The following VWA3B variants were observed in gnomAD, a reference collection of about 807,000 sequenced individuals.
VWA3B encodes von Willebrand factor A domain-containing protein 3B.
VWA3B carries 138 observed loss-of-function variants against 158.3 expected under a neutral mutation model. The ratio of observed to expected loss-of-function variants is 0.87; its 90% confidence interval spans 0.76 to 1.00. The LOEUF is 1.00. Among genes scored for constraint, VWA3B ranks in the 50% least tolerant of loss-of-function variants. The probability of loss-of-function intolerance (pLI) is 0.00; values close to 1 mark genes in which losing one functional copy is unlikely to be tolerated. For synonymous variants in VWA3B, 596 were observed against 587.3 expected (o/e 1.01, Z -0.21); for missense variants, 1,555 against 1,565.1 (o/e 0.99, Z 0.11).
intron 7 of VWA3B, among the ~76,000 whole-genome samples, chr2:98,146,266 A>G (rs547683144): frequency 4.6e-5 from 7 of 152,124 alleles, no homozygotes; most frequent in Admixed American, 2.6e-4. Context: ...TAAGTTTCTT[A>G]TAGTATCCTT....
chr2:98,163,080 G>C (rs1678764328), intron 8 of VWA3B, 104 bp downstream of exon 8: 2 of 1,527,604 alleles, frequency 1.3e-6, no homozygotes, highest in Admixed American at 1.9e-5. Flanking sequence ...CCAGAGCCCA[G>C]CTGCGAGGGG....
rs375619812 is a variant in VWA3B at position 98,181,135 on chromosome 2, G to A, written c.1234G>A (p.Asp412Asn). ...GCTATCCTTGTATGATGTGCTTGCC[G>A]ACTGCTCTTTCCGCCACGCTGATGG... ...QKLSLYDVLA[D>N]CSFRHADGVV... The change falls in exon 9 of 28, where the codon GAC (aspartate) becomes AAC (asparagine). Residue 412 changes from aspartate to asparagine, a missense_variant. By Grantham distance (23) the Asp-to-Asn change is conservative. Coordinates refer to ENST00000477737, the MANE Select transcript of VWA3B (RefSeq NM_144992.5). 5.3e-5 allele frequency: 85 copies of A among 1,614,152 alleles called. No individual in the cohort carries two copies. In the East Asian group the frequency reaches 7.6e-4, roughly 14 times the overall value.
chr2:98,236,645 A>C lies in VWA3B; in HGVS notation c.2588A>C (p.Asp863Ala). 1.2e-6 allele frequency: 2 copies of C among 1,614,204 alleles called. No individual in the cohort carries two copies. The highest frequency in any genetic ancestry group is 1.7e-6 in the Non-Finnish European group (2 of 1,180,040). ...GTCGCCAAGAAACTCACCCTCATGG[A>C]TGCCTTGTCAGTGGCAGCAGTCCCG... is the stretch of plus-strand genomic sequence containing the variant. ...GLVAKKLTLM[D>A]ALSVAAVPHS... The change falls in exon 19 of 28, where the codon GAT (aspartate) becomes GCT (alanine). Residue 863 changes from aspartate to alanine, a missense_variant. Coordinates refer to ENST00000477737, the MANE Select transcript of VWA3B (RefSeq NM_144992.5).
downstream of VWA3B, among the ~76,000 whole-genome samples, chr2:98,315,797 A>G (rs1574338626): frequency 6.6e-6 from 1 of 152,252 alleles, no homozygotes; most frequent in South Asian, 2.1e-4. Flanking sequence ...ATAAAAGACA[A>G]CACCTGAAAA....
chr2:98,130,357 T>TTC (rs1224317486), intron 6 of VWA3B, among the ~76,000 whole-genome samples: 1 of 152,074 alleles, frequency 6.6e-6, no homozygotes, highest in Non-Finnish European at 1.5e-5. Context: ...CTTCCTCTTA[T>TTC]CTCAACTGCA....
At chr2:98,251,802 T>C (rs940029385) in intron 20 of VWA3B, among the ~76,000 whole-genome samples, 1 of 152,112 alleles carries the variant, frequency 6.6e-6, no homozygotes, top group African/African-American at 2.4e-5. Context: ...AACCCAGGCC[T>C]CTCCAAACCC....
At chr2:98,312,064 C>T in intron 27 of VWA3B, 32 bp downstream of exon 27, 1 of 1,593,592 alleles carries the variant, frequency 6.3e-7, no homozygotes, top group South Asian at 1.1e-5. Context: ...CACAACATCG[C>T]TTATCTCAGG....
At chr2:98,170,078 G>T (rs1036461759) in intron 8 of VWA3B, among the ~76,000 whole-genome samples, 2 of 152,128 alleles carry the variant, frequency 1.3e-5, no homozygotes, top group Admixed American at 1.3e-4. Context: ...AGTGAGTGGT[G>T]ATCGCACCAC....
At chr2:98,273,788 C>G (rs2105896449) in intron 22 of VWA3B, among the ~76,000 whole-genome samples, 1 of 152,240 alleles carries the variant, frequency 6.6e-6, no homozygotes, top group South Asian at 2.1e-4. Context: ...GGAGACCCTG[C>G]TGCATAACAG....
intron 3 of VWA3B, among the ~76,000 whole-genome samples, chr2:98,116,712 C>T (rs1674564488): frequency 6.6e-6 from 1 of 152,086 alleles, no homozygotes. Flanking sequence ...CGCCATGTTG[C>T]CCAGGTTGGT....
At chr2:98,304,957 A>C (rs1690429335) in intron 26 of VWA3B, among the ~76,000 whole-genome samples, 1 of 151,100 alleles carries the variant, frequency 6.6e-6, no homozygotes, top group Admixed American at 6.6e-5. Context: ...TCTCCTGTTC[A>C]CTCCTGAGCC....
At chr2:98,193,549 A>G (rs1047281052) in intron 11 of VWA3B, among the ~76,000 whole-genome samples, 4 of 152,082 alleles carry the variant, frequency 2.6e-5, no homozygotes, top group South Asian at 2.1e-4. Flanking sequence ...TTGATGTATT[A>G]TTAACCATAG....
At chr2:98,277,945 A>C (rs181518758) in intron 22 of VWA3B, among the ~76,000 whole-genome samples, 1 of 152,056 alleles carries the variant, frequency 6.6e-6, no homozygotes, top group African/African-American at 2.4e-5. Context: ...ACCAATTGTC[A>C]TTCTTCAATT....
intron 21 of VWA3B, among the ~76,000 whole-genome samples, chr2:98,270,191 C>A (rs1574245732): frequency 1.3e-5 from 2 of 152,116 alleles, no homozygotes; most frequent in East Asian, 1.9e-4. Flanking sequence ...TTTAGGCTTG[C>A]AAAGAGGAAA....
chr2:98,107,680 TTCTTTTGATGTCTGCCGCA>T (rs1559537926), intron 2 of VWA3B, among the ~76,000 whole-genome samples: 1 of 152,130 alleles, frequency 6.6e-6, no homozygotes, highest in African/African-American at 2.4e-5. Flanking sequence ...TATTCTATTA[TTCTTTTGATGTCTGCCGCA>T]TCTTTTGTGG....
intron 13 of VWA3B, among the ~76,000 whole-genome samples, chr2:98,212,870 T>A (rs1683651459): frequency 1.3e-5 from 2 of 152,212 alleles, no homozygotes; most frequent in African/African-American, 4.8e-5. Flanking sequence ...CGTGTCTCTC[T>A]TCTGTTCCAT....
At chr2:98,256,628 A>C (rs777332258) in intron 21 of VWA3B, among the ~76,000 whole-genome samples, 1 of 152,162 alleles carries the variant, frequency 6.6e-6, no homozygotes, top group Non-Finnish European at 1.5e-5. Flanking sequence ...TTTCGCTATC[A>C]TGAACTATGT....
At chr2:98,166,585 CAG>C (rs1287862001) in intron 8 of VWA3B, among the ~76,000 whole-genome samples, 2 of 152,112 alleles carry the variant, frequency 1.3e-5, no homozygotes, top group African/African-American at 2.4e-5. Flanking sequence ...CTTCCAACCT[CAG>C]AGAGAAAATA....
intron 6 of VWA3B, among the ~76,000 whole-genome samples, chr2:98,132,704 C>T (rs1042914638): frequency 6.6e-6 from 1 of 152,232 alleles, no homozygotes; most frequent in African/African-American, 2.4e-5. Context: ...ATCTCCCCTC[C>T]TTGCCCTACA....
Sources: gnomAD v4.1 joint callset for allele counts (sites outside exome capture counted in the v4.1 genomes callset) on GRCh38, gnomAD v4.1.1 for gene constraint, MANE v1.5 for transcripts, NCBI Gene and HGNC (gene_info 2026-07-23, HGNC 2026-07-21) for gene names.